The following CACNA1E variants were observed in gnomAD, a reference collection of about 807,000 sequenced individuals.
CACNA1E encodes the protein calcium voltage-gated channel subunit alpha1 E.
CACNA1E carries 40 observed loss-of-function variants against 259.2 expected under a neutral mutation model. The ratio of observed to expected loss-of-function variants is 0.15; its 90% CI spans 0.12 to 0.20. The LOEUF is 0.20. Among genes scored for constraint, CACNA1E ranks in the 10% least tolerant of loss-of-function variants. CACNA1E has a pLI of 1.00. For synonymous variants in CACNA1E, 1,104 were observed against 1,138.5 expected, an observed-to-expected ratio of 0.97 and a Z score of 0.61; for missense variants, 1,874 against 3,040.1, an observed-to-expected ratio of 0.62 and a Z score of 9.02.
chr1:181,698,389 A>G (rs772200744), intron 7 of CACNA1E, among the ~76,000 whole-genome samples: 1 of 152,218 alleles, frequency 6.6e-6, no homozygotes, highest in Non-Finnish European at 1.5e-5. Flanking sequence ...ACTAGGCGCC[A>G]TGACTGGTGC....
At chr1:181,440,575 T>A (rs1025456685) in intron 2 of CACNA1E, among the ~76,000 whole-genome samples, 1 of 152,064 alleles carries the variant, frequency 6.6e-6, no homozygotes, top group Admixed American at 6.5e-5. Context: ...AGGGTTGATG[T>A]TGATTACTGA....
At chr1:181,535,664 G>C (rs1293574613) in intron 3 of CACNA1E, among the ~76,000 whole-genome samples, 1 of 150,578 alleles carries the variant, frequency 6.6e-6, no homozygotes, top group Non-Finnish European at 1.5e-5. Flanking sequence ...GGCTGATAGT[G>C]CTTCCAATAT....
At chr1:181,673,371 A>G (rs780441459) in intron 7 of CACNA1E, among the ~76,000 whole-genome samples, 1 of 152,168 alleles carries the variant, frequency 6.6e-6, no homozygotes, top group Non-Finnish European at 1.5e-5. Flanking sequence ...TAAGCACTCA[A>G]AGTGGGCACT....
chr1:181,786,678 C>T (rs73045161), intron 43 of CACNA1E, among the ~76,000 whole-genome samples: 4,232 of 152,278 alleles, frequency 0.028, 137 homozygotes, highest in African/African-American at 0.08. Flanking sequence ...CTAAAGAACA[C>T]AAGTATTTCT....
At chr1:181,595,552 C>G (rs564411477) in intron 6 of CACNA1E, among the ~76,000 whole-genome samples, 1 of 152,214 alleles carries the variant, frequency 6.6e-6, no homozygotes, top group African/African-American at 2.4e-5. Flanking sequence ...CTTCCCGGGT[C>G]TCCCACTCTC....
intron 7 of CACNA1E, among the ~76,000 whole-genome samples, chr1:181,706,382 G>A (rs1252015819): frequency 5.9e-5 from 9 of 152,098 alleles, no homozygotes; most frequent in Middle Eastern, 3.2e-3. Flanking sequence ...TTGTTTCGCA[G>A]GTCTGGCCAC....
chr1:181,340,377 A>T (rs549720957), intron 1 of CACNA1E, among the ~76,000 whole-genome samples: 1 of 152,198 alleles, frequency 6.6e-6, no homozygotes, highest in East Asian at 1.9e-4. Context: ...TTGTATGGCT[A>T]GTCATTTTTG....
At chr1:181,594,273 A>G (rs1008700431) in intron 6 of CACNA1E, among the ~76,000 whole-genome samples, 11 of 152,090 alleles carry the variant, frequency 7.2e-5, no homozygotes, top group East Asian at 1.9e-4. Flanking sequence ...TGAGATTTTT[A>G]TATTAATTTT....
rs577602861 is a variant in CACNA1E, at chr1:181,535,887, A to G, written c.512+24377A>G. ...TTTTTAGTAGAGATGGGGTTTCACC[A>G]TGTTGGCCAGGCTGGTCTTAAACTC... On this transcript the variant is annotated intron_variant, in intron 3 of 47. Transcript: ENST00000367573. 1.2e-3 allele frequency among the ~76,000 whole-genome samples: 175 copies of G among 152,136 alleles called. 1 individual carries two copies. The highest frequency in any genetic ancestry group is 4.1e-3 in the African/African-American group (170 of 41,528).
intron 1 of CACNA1E, among the ~76,000 whole-genome samples, chr1:181,354,533 C>G (rs778688454): frequency 2.6e-5 from 4 of 152,190 alleles, no homozygotes; most frequent in Non-Finnish European, 5.9e-5. Context: ...TCAATACCTT[C>G]TGTGCCAGTT....
At chr1:181,755,930 C>G (rs372642373) in intron 28 of CACNA1E, 26 bp from the exon 29 acceptor site, 61 of 1,607,992 alleles carry the variant, frequency 3.8e-5, no homozygotes, top group Middle Eastern at 3.3e-4. Flanking sequence ...TGAGGAGGCT[C>G]TCTTTCATTT....
chr1:181,619,455 G>C (rs188100471), intron 6 of CACNA1E, among the ~76,000 whole-genome samples: 3 of 152,256 alleles, frequency 2.0e-5, no homozygotes, highest in Admixed American at 6.5e-5. Context: ...GAATCCTGTA[G>C]GTCATGATGA....
chr1:181,778,803 G>A (rs1387662948), intron 38 of CACNA1E, among the ~76,000 whole-genome samples: 1 of 152,162 alleles, frequency 6.6e-6, no homozygotes, highest in Admixed American at 6.5e-5. Context: ...TCTGAACACA[G>A]ACCTCAGCAG....
intron 2 of CACNA1E, among the ~76,000 whole-genome samples, chr1:181,422,747 G>C (rs1166919307): frequency 3.3e-5 from 5 of 152,068 alleles, no homozygotes; most frequent in Non-Finnish European, 7.4e-5. Flanking sequence ...CTTGATGTCT[G>C]GTTCCTCACC....
At chr1:181,569,815 G>A (rs1650225866) in intron 3 of CACNA1E, among the ~76,000 whole-genome samples, 1 of 152,246 alleles carries the variant, frequency 6.6e-6, no homozygotes, top group South Asian at 2.1e-4. Flanking sequence ...GAGCCATAGT[G>A]TGTGGAAATG....
intron 34 of CACNA1E, among the ~76,000 whole-genome samples, chr1:181,764,130 CA>C: frequency 6.6e-6 from 1 of 152,282 alleles, no homozygotes; most frequent in East Asian, 1.9e-4. Flanking sequence ...TTCCTCTGCA[CA>C]GTCTCGTGGA....
chr1:181,375,039 G>A (rs1654995646), intron 1 of CACNA1E, among the ~76,000 whole-genome samples: 1 of 152,166 alleles, frequency 6.6e-6, no homozygotes, highest in South Asian at 2.1e-4. Context: ...CAAAAAGTGG[G>A]TACACTATAT....
intron 6 of CACNA1E, among the ~76,000 whole-genome samples, chr1:181,643,626 G>A (rs1019143287): frequency 7.9e-5 from 12 of 152,216 alleles, no homozygotes; most frequent in African/African-American, 2.4e-4. Context: ...CGGTAGCATC[G>A]TGTGGCTGCT....
intron 2 of CACNA1E, among the ~76,000 whole-genome samples, chr1:181,469,784 G>A (rs1662376925): frequency 6.6e-6 from 1 of 152,116 alleles, no homozygotes; most frequent in Non-Finnish European, 1.5e-5. Flanking sequence ...GCTCCTGAGG[G>A]AGGCAGGAAG....
Sources: gnomAD v4.1 joint callset for allele counts (sites outside exome capture counted in the v4.1 genomes callset) on GRCh38, gnomAD v4.1.1 for gene constraint, MANE v1.5 for transcripts, NCBI Gene and HGNC (gene_info 2026-07-23, HGNC 2026-07-21) for gene names.